SEZ6L: variants seen among roughly 807,000 people sequenced by gnomAD.
SEZ6L encodes seizure related 6 homolog like.
A neutral mutation model predicts 106.2 loss-of-function variants in SEZ6L; 37 were observed. The ratio of observed to expected loss-of-function variants is 0.35; its 90% CI spans 0.27 to 0.46. The LOEUF is 0.46. Ranked by LOEUF, SEZ6L falls within the 20% of genes least tolerant of loss-of-function variation. The probability of loss-of-function intolerance (pLI) is 1.00; values close to 1 mark genes in which losing one functional copy is unlikely to be tolerated. For missense variants in SEZ6L, 1,172 were observed against 1,332.8 expected (o/e 0.88, Z 1.88); for synonymous variants, 541 against 570.4 (o/e 0.95, Z 0.73).
At chr22:26,315,786 G>T (rs1024627930) in intron 9 of SEZ6L, among the ~76,000 whole-genome samples, 3 of 152,004 alleles carry the variant, frequency 2.0e-5, no homozygotes, top group African/African-American at 7.2e-5. Flanking sequence ...ATCTGGGCAC[G>T]GTAGCTCACA....
rs138930749 is a variant in SEZ6L at position 26,341,075 on chromosome 22, C to T, written c.2212+443C>T. On this transcript the variant is annotated intron_variant, in intron 10 of 16. Coordinates refer to ENST00000248933, the MANE Select transcript of SEZ6L (RefSeq NM_021115.5). ...CCAATTTGTGCAACTTCTCAAACATCGTCTTCACCTTCTTGCCCGAACTGA... is the reference window on the plus strand; with the variant it reads ...CCAATTTGTGCAACTTCTCAAACATTGTCTTCACCTTCTTGCCCGAACTGA... 4.0e-5 allele frequency among the ~76,000 whole-genome samples: 6 copies of T among 151,806 alleles called. No homozygotes were observed. In the East Asian group the frequency reaches 5.8e-4, roughly 15 times the overall value.
intron 9 of SEZ6L, among the ~76,000 whole-genome samples, chr22:26,318,160 G>A (rs1486201279): frequency 5.9e-5 from 9 of 151,706 alleles, no homozygotes; most frequent in East Asian, 1.9e-4. Flanking sequence ...TGCAACCTCC[G>A]ATTCCTGGGT....
chr22:26,305,912 C>G (rs1453260065), intron 5 of SEZ6L, 67 bp from the exon 6 acceptor site: 13 of 1,436,454 alleles, frequency 9.1e-6, no homozygotes, highest in African/African-American at 4.2e-5. Context: ...CTCTTTCTCT[C>G]TGTCTCTCTC....
intron 1 of SEZ6L, chr22:26,292,150 A>AAGGC: frequency 2.4e-6 from 1 of 412,476 alleles, no homozygotes; most frequent in Non-Finnish European, 4.2e-6. Context: ...GAAAGAAAGG[A>AAGGC]AGGAAGGAAG....
chr22:26,365,272 T>C, intron 12 of SEZ6L, 100 bp from the exon 13 acceptor site: 4 of 955,910 alleles, frequency 4.2e-6, no homozygotes, highest in Non-Finnish European at 6.3e-6. Context: ...AGAGAGAGGA[T>C]GCTGGAGAGG....
Position 26,383,366 on chromosome 22 carries a change from C to T in SEZ6L, c.*3071C>T, listed in dbSNP as rs927235097. 1.3e-5 allele frequency: 2 copies of T among 151,956 alleles called. No homozygotes were observed. Among genetic ancestry groups the T allele is most frequent in the African/African-American group, 4.8e-5 (2 of 41,404 alleles). 9.4% of individuals were successfully genotyped at this position (151,956 alleles called of 1,614,324 possible). On this transcript the variant is annotated 3_prime_UTR_variant, in exon 17 of 17. Transcript: ENST00000248933. ...GGCAAAAATGCCCTTCGAGTGAATC[C>T]GAAGGGCATGATCTTCCTATGTCCT... is the stretch of plus-strand genomic sequence containing the variant.
At chr22:26,351,938 C>T (rs184386643) in intron 12 of SEZ6L, among the ~76,000 whole-genome samples, 1 of 152,016 alleles carries the variant, frequency 6.6e-6, no homozygotes, top group South Asian at 2.1e-4. Flanking sequence ...GCAGGCAAAC[C>T]ACTCGAGCCC....
At chr22:26,289,397 T>C (rs866011288) in intron 1 of SEZ6L, among the ~76,000 whole-genome samples, 2 of 152,206 alleles carry the variant, frequency 1.3e-5, no homozygotes, top group South Asian at 4.1e-4. Flanking sequence ...ACAAGGTAGA[T>C]AGAATACCTC....
chr22:26,305,952 TTG>T, intron 5 of SEZ6L, 25 bp from the exon 6 acceptor site: 37 of 977,000 alleles, frequency 3.8e-5, no homozygotes, highest in Non-Finnish European at 5.2e-5. Context: ...CTCTCTCCCA[TTG>T]CCCACCCACC....
intron 9 of SEZ6L, among the ~76,000 whole-genome samples, chr22:26,334,374 T>C (rs1037215130): frequency 1.2e-4 from 18 of 152,220 alleles, no homozygotes; most frequent in African/African-American, 4.3e-4. Flanking sequence ...AATGGAGTGA[T>C]TCAACAGGTG....
At chr22:26,189,011 G>A (rs1004426259) in intron 1 of SEZ6L, among the ~76,000 whole-genome samples, 5 of 152,046 alleles carry the variant, frequency 3.3e-5, no homozygotes, top group African/African-American at 9.7e-5. Flanking sequence ...ATTTTTTTCC[G>A]TTACCTTACT....
At chr22:26,331,205 G>T (rs899381705) in intron 9 of SEZ6L, among the ~76,000 whole-genome samples, 1 of 152,208 alleles carries the variant, frequency 6.6e-6, no homozygotes, top group Admixed American at 6.5e-5. Context: ...CAGGTGAGCA[G>T]CAGGATTACA....
At chr22:26,355,251 T>C (rs545777202) in intron 12 of SEZ6L, among the ~76,000 whole-genome samples, 23 of 152,016 alleles carry the variant, frequency 1.5e-4, no homozygotes, top group African/African-American at 5.5e-4. Context: ...CTGGAGAGGG[T>C]GAGTAGCTTT....
At chr22:26,280,902 G>T (rs2080739759) in intron 1 of SEZ6L, among the ~76,000 whole-genome samples, 1 of 152,082 alleles carries the variant, frequency 6.6e-6, no homozygotes, top group Non-Finnish European at 1.5e-5. Flanking sequence ...TTAATTTTGG[G>T]GTAAGAACAC....
chr22:26,370,863 G>A lies in SEZ6L; in HGVS notation c.2795-2588G>A, dbSNP rs372847999. Among the ~76,000 whole-genome samples the A allele has an allele frequency of 1.8e-4, 27 of 152,042 alleles. No homozygotes were observed. In the East Asian group the frequency reaches 5.2e-3, roughly 29 times the overall value. ...TACAAAAAATCAAAAAATTAGCGGG[G>A]CATGGTGACACACTCCTGTAGTCCC... On this transcript the variant is annotated intron_variant, in intron 13 of 16. Transcript: ENST00000248933.
intron 11 of SEZ6L, among the ~76,000 whole-genome samples, 164 bp from the exon 12 acceptor site, chr22:26,350,888 C>T (rs1168598906): frequency 6.6e-6 from 1 of 151,986 alleles, no homozygotes; most frequent in Admixed American, 6.5e-5. Context: ...GATCTCCTGA[C>T]CTCGTGATCC....
chr22:26,216,484 T>C (rs1466250446), intron 1 of SEZ6L, among the ~76,000 whole-genome samples: 1 of 152,096 alleles, frequency 6.6e-6, no homozygotes, highest in African/African-American at 2.4e-5. Context: ...GGTAAAACTC[T>C]GTCTCCACTA....
At chr22:26,231,063 C>A (rs2078783313) in intron 1 of SEZ6L, among the ~76,000 whole-genome samples, 1 of 152,244 alleles carries the variant, frequency 6.6e-6, no homozygotes, top group African/African-American at 2.4e-5. Context: ...TGTTAAGCAG[C>A]AACTTTTATT....
intron 13 of SEZ6L, among the ~76,000 whole-genome samples, chr22:26,371,354 A>G (rs546734350): frequency 2.6e-5 from 4 of 151,826 alleles, no homozygotes; most frequent in African/African-American, 9.7e-5. Flanking sequence ...AATTGGAGCA[A>G]TCCACGCTCA....
Sources: gnomAD v4.1 joint callset for allele counts (sites outside exome capture counted in the v4.1 genomes callset) on GRCh38, gnomAD v4.1.1 for gene constraint, MANE v1.5 for transcripts, NCBI Gene and HGNC (gene_info 2026-07-23, HGNC 2026-07-21) for gene names.